Variants in KCNMB3 observed in about 807,000 individuals in gnomAD.
KCNMB3 encodes potassium calcium-activated channel subfamily M regulatory beta subunit 3, also known as calcium-activated potassium channel subunit beta-3.
In KCNMB3, 18 loss-of-function variants were observed where a neutral mutation model predicts 11.9. The ratio of observed to expected loss-of-function variants is 1.51; its 90% confidence interval spans 1.04 to 2.23. The LOEUF (loss-of-function observed/expected upper bound fraction) is 2.23, where lower values mean the gene tolerates loss of function less well. Among genes scored for constraint, KCNMB3 ranks in the 30% most tolerant of loss-of-function variants. The pLI, the probability that KCNMB3 is intolerant of heterozygous loss-of-function variation, is 0.00. For synonymous variants in KCNMB3, 78 were observed against 119.2 expected (o/e 0.65, Z 2.25); for missense variants, 247 against 329.4 (o/e 0.75, Z 1.94).
chr3:179,253,306 A>T (rs915477701), upstream of KCNMB3, among the ~76,000 whole-genome samples: 8 of 152,232 alleles, frequency 5.3e-5, no homozygotes, highest in African/African-American at 1.9e-4. Context: ...ATGGTATGTT[A>T]TAAAAAACCG....
chr3:179,248,007 C>T (rs1725703150), intron 1 of KCNMB3, among the ~76,000 whole-genome samples: 1 of 152,168 alleles, frequency 6.6e-6, no homozygotes, highest in South Asian at 2.1e-4. Flanking sequence ...TCCTTTTACC[C>T]TGAACTGACC....
chr3:179,260,482 T>C, intron 1 of KCNMB3: 1 of 1,611,898 alleles, frequency 6.2e-7, no homozygotes. Context: ...TCTTTCTCAG[T>C]ATTGTGCAAG....
downstream of KCNMB3, chr3:179,239,915 A>C: frequency 1.2e-6 from 1 of 828,914 alleles, no homozygotes; most frequent in South Asian, 1.6e-5. Flanking sequence ...TTGAGAATAT[A>C]GAATAATAAC....
At position 179,266,580 on chromosome 3, in the gene KCNMB3, T is replaced by TC. The variant is rs1328159397; in HGVS notation, c.62+68dup. On this transcript the variant is annotated intron_variant, in intron 1 of 3. Coordinates refer to the KCNMB3 transcript ENST00000349697. Reference sequence around the variant, plus strand: ...ACACTCACTCCCCAAGCTCGAGATGTCCCCTCTTCTTGCAACTGCTTGTTC... The same window carrying TC: ...ACACTCACTCCCCAAGCTCGAGATGTCCCCCTCTTCTTGCAACTGCTTGTTC... 2.7e-5 allele frequency: 43 copies of TC among 1,573,512 alleles called. No individual in the cohort carries two copies. In the Middle Eastern group the frequency reaches 8.4e-4, roughly 31 times the overall value.
intron 1 of KCNMB3, chr3:179,260,334 T>C (rs1726162952): frequency 1.2e-6 from 2 of 1,614,090 alleles, no homozygotes; most frequent in Non-Finnish European, 1.7e-6. Context: ...GCTTTGAACC[T>C]GTTCCTCATA....
chr3:179,261,048 G>A, intron 1 of KCNMB3: 2 of 1,029,102 alleles, frequency 1.9e-6, no homozygotes, highest in Non-Finnish European at 3.1e-6. Context: ...AGAAAGGCCA[G>A]CGTGGCTGCA....
At chr3:179,248,807 T>C (rs1725733733) in intron 1 of KCNMB3, among the ~76,000 whole-genome samples, 2 of 151,476 alleles carry the variant, frequency 1.3e-5, no homozygotes, top group African/African-American at 4.9e-5. Flanking sequence ...GATTAAGACA[T>C]ATTTTGTATG....
At chr3:179,249,245 C>T (rs1725750434) in intron 1 of KCNMB3, among the ~76,000 whole-genome samples, 1 of 150,360 alleles carries the variant, frequency 6.7e-6, no homozygotes, top group Non-Finnish European at 1.5e-5. Context: ...GATCTCCTGA[C>T]CTCGTGATCC....
At chr3:179,255,771 T>C (rs1725992578), upstream of KCNMB3, among the ~76,000 whole-genome samples, 1 of 152,174 alleles carries the variant, frequency 6.6e-6, no homozygotes, top group Admixed American at 6.5e-5. Context: ...ACAGATATAT[T>C]GCACAGCTAC....
At chr3:179,262,216 T>C (rs1726236595) in intron 1 of KCNMB3, among the ~76,000 whole-genome samples, 1 of 152,254 alleles carries the variant, frequency 6.6e-6, no homozygotes, top group Admixed American at 6.5e-5. Context: ...TTTATCTAAA[T>C]GATAAATATA....
intron 1 of KCNMB3, chr3:179,261,287 G>A: frequency 7.9e-7 from 1 of 1,270,166 alleles, no homozygotes; most frequent in Non-Finnish European, 1.0e-6. Context: ...GCTGGGCTCG[G>A]CCCGCTCCAC....
At chr3:179,252,272 G>A (rs899018576), upstream of KCNMB3, among the ~76,000 whole-genome samples, 3 of 152,098 alleles carry the variant, frequency 2.0e-5, no homozygotes, top group African/African-American at 7.2e-5. Context: ...AGTTCCAGAA[G>A]TATCTCCATT....
At chr3:179,262,028 T>C (rs1200626940) in intron 1 of KCNMB3, among the ~76,000 whole-genome samples, 2 of 152,234 alleles carry the variant, frequency 1.3e-5, no homozygotes, top group African/African-American at 4.8e-5. Context: ...ACGGAAAATG[T>C]AACAATGCTA....
chr3:179,265,236 T>C (rs936362369), intron 1 of KCNMB3, among the ~76,000 whole-genome samples: 9 of 152,340 alleles, frequency 5.9e-5, no homozygotes, highest in African/African-American at 2.2e-4. Context: ...CCTTCTTCCC[T>C]GAACCCCCAT....
chr3:179,263,257 T>C, intron 1 of KCNMB3, among the ~76,000 whole-genome samples: 1 of 152,242 alleles, frequency 6.6e-6, no homozygotes, highest in East Asian at 1.9e-4. Context: ...GCCCAGGTGC[T>C]AAGCCCCTCA....
At chr3:179,243,683 ATC>A (rs2108438431) in intron 2 of KCNMB3, among the ~76,000 whole-genome samples, 1 of 152,168 alleles carries the variant, frequency 6.6e-6, no homozygotes, top group East Asian at 1.9e-4. Context: ...CTCTGTCTTG[ATC>A]TCCTGTAGCA....
intron 1 of KCNMB3, among the ~76,000 whole-genome samples, chr3:179,265,990 C>G (rs1229961881): frequency 6.6e-6 from 1 of 152,150 alleles, no homozygotes; most frequent in South Asian, 2.1e-4. Flanking sequence ...ATAACAATAG[C>G]TAAAAGGCTA....
chr3:179,259,057 C>T (rs1726115404), intron 1 of KCNMB3: 2 of 1,611,830 alleles, frequency 1.2e-6, no homozygotes, highest in African/African-American at 1.3e-5. Context: ...TTGCCCTTCT[C>T]GTTCCCTCCT....
rs368088994 is a variant in KCNMB3 at position 179,244,731 on chromosome 3, A to G, written c.249-38T>C. ...AAAAAAAAAATGTTCTTCACTTATT[A>G]GAAAATTTCATTCTACATTTTGGTG... On this transcript the variant is annotated intron_variant, in intron 1 of 2. Coordinates refer to ENST00000392685, the MANE Select transcript of KCNMB3 (RefSeq NM_171830.2). 254 of 1,556,338 alleles carry G rather than the reference A, an allele frequency of 1.6e-4. 4 individuals are homozygous for G. The South Asian group carries it at 2.8e-3, about 17-fold the overall frequency.
Sources: allele counts gnomAD v4.1 joint callset (sites outside exome capture counted in the v4.1 genomes callset), GRCh38; gene constraint gnomAD v4.1.1; transcripts MANE v1.5; gene names NCBI Gene and HGNC (gene_info 2026-07-23, HGNC 2026-07-21).